Variants in EXOC6B observed in about 807,000 individuals in gnomAD.
EXOC6B encodes exocyst complex component 6B.
In EXOC6B, 54 loss-of-function variants were observed where a neutral mutation model predicts 113.5. The ratio of observed to expected loss-of-function variants is 0.48; its 90% CI spans 0.38 to 0.60. The LOEUF (loss-of-function observed/expected upper bound fraction) is 0.60. Among genes scored for constraint, EXOC6B ranks in the 20% least tolerant of loss-of-function variants. The pLI is 0.00. For synonymous variants in EXOC6B, 357 were observed against 339.0 expected, an observed-to-expected ratio of 1.05 and a Z score of -0.58; for missense variants, 797 against 977.5, an observed-to-expected ratio of 0.82 and a Z score of 2.46.
chr2:72,361,231 T>G (rs1690296466), intron 19 of EXOC6B, among the ~76,000 whole-genome samples: 1 of 152,224 alleles, frequency 6.6e-6, no homozygotes, highest in Non-Finnish European at 1.5e-5. Flanking sequence ...CAAGGATGAC[T>G]AAACATAATT....
intron 6 of EXOC6B, among the ~76,000 whole-genome samples, chr2:72,600,000 T>A (rs146444427): frequency 1.4e-4 from 22 of 152,080 alleles, no homozygotes; most frequent in African/African-American, 5.1e-4. Flanking sequence ...ACAATTCCAA[T>A]AGAAAATTCT....
intron 6 of EXOC6B, among the ~76,000 whole-genome samples, chr2:72,637,313 CA>C (rs1325994855): frequency 1.3e-5 from 2 of 151,888 alleles, no homozygotes; most frequent in East Asian, 3.9e-4. Context: ...AGCTTCTGTA[CA>C]AAAAGAAACT....
intron 18 of EXOC6B, among the ~76,000 whole-genome samples, chr2:72,405,678 G>C (rs1220757671): frequency 2.0e-5 from 3 of 152,168 alleles, no homozygotes; most frequent in Admixed American, 2.0e-4. Context: ...CACCAGGCCT[G>C]CCCTACAAGA....
At chr2:72,221,436 T>A (rs1680858793) in intron 20 of EXOC6B, among the ~76,000 whole-genome samples, 1 of 152,176 alleles carries the variant, frequency 6.6e-6, no homozygotes, top group Non-Finnish European at 1.5e-5. Context: ...CTCACCTCAA[T>A]CAGGCCTACT....
At chr2:72,182,332 A>G (rs1678141612) in intron 21 of EXOC6B, among the ~76,000 whole-genome samples, 2 of 152,174 alleles carry the variant, frequency 1.3e-5, no homozygotes, top group Non-Finnish European at 1.5e-5. Flanking sequence ...AGGACTGCTG[A>G]GAGATGTAAA....
At chr2:72,234,497 C>T (rs915307602) in intron 20 of EXOC6B, among the ~76,000 whole-genome samples, 3 of 152,052 alleles carry the variant, frequency 2.0e-5, no homozygotes, top group Non-Finnish European at 4.4e-5. Context: ...TGGACATAGG[C>T]CCCCGGCAAA....
At chr2:72,624,160 A>G (rs932131439) in intron 6 of EXOC6B, among the ~76,000 whole-genome samples, 1 of 151,708 alleles carries the variant, frequency 6.6e-6, no homozygotes, top group African/African-American at 2.4e-5. Context: ...CTTTTTTGAG[A>G]CAGGGTCTTG....
At chr2:72,385,401 CT>C (rs1344055603) in intron 18 of EXOC6B, among the ~76,000 whole-genome samples, 1 of 149,300 alleles carries the variant, frequency 6.7e-6, no homozygotes, top group South Asian at 2.1e-4. Context: ...AACTATGAAA[CT>C]ACTAGAAAAA....
chr2:72,603,995 A>G (rs1363626831), intron 6 of EXOC6B, among the ~76,000 whole-genome samples: 2 of 152,078 alleles, frequency 1.3e-5, no homozygotes, highest in African/African-American at 4.8e-5. Context: ...CTGATATGCT[A>G]GAATGTTTTT....
At chr2:72,749,965 T>C (rs1444025821) in intron 1 of EXOC6B, among the ~76,000 whole-genome samples, 1 of 151,764 alleles carries the variant, frequency 6.6e-6, no homozygotes, top group African/African-American at 2.4e-5. Flanking sequence ...ATGTTATGTA[T>C]ACTATATATA....
intron 18 of EXOC6B, among the ~76,000 whole-genome samples, chr2:72,399,140 C>A (rs767950412): frequency 2.6e-4 from 39 of 151,958 alleles, no homozygotes; most frequent in Non-Finnish European, 5.2e-4. Context: ...TCCAAAGATG[C>A]AAAGACAATT....
intron 6 of EXOC6B, among the ~76,000 whole-genome samples, chr2:72,699,914 A>G (rs1279960898): frequency 2.0e-5 from 3 of 152,132 alleles, no homozygotes; most frequent in Non-Finnish European, 4.4e-5. Flanking sequence ...AGTATCCACA[A>G]GAGATTAGTT....
At chr2:72,379,007 C>A (rs1035042514) in intron 19 of EXOC6B, among the ~76,000 whole-genome samples, 1 of 152,172 alleles carries the variant, frequency 6.6e-6, no homozygotes, top group Non-Finnish European at 1.5e-5. Context: ...ATGAGACATA[C>A]AGGAAAGTTT....
intron 18 of EXOC6B, among the ~76,000 whole-genome samples, chr2:72,453,963 G>C (rs1697059122): frequency 6.6e-6 from 1 of 152,164 alleles, no homozygotes; most frequent in African/African-American, 2.4e-5. Context: ...TAGGACAGCA[G>C]GAGAGAGAAT....
intron 1 of EXOC6B, among the ~76,000 whole-genome samples, chr2:72,799,170 G>T (rs1016832446): frequency 7.0e-6 from 1 of 142,040 alleles, no homozygotes; most frequent in Non-Finnish European, 1.5e-5. Flanking sequence ...TGCCCAGGAG[G>T]TCAAGGCTGC....
At chr2:72,604,076 G>T (rs572237590) in intron 6 of EXOC6B, among the ~76,000 whole-genome samples, 14 of 152,044 alleles carry the variant, frequency 9.2e-5, no homozygotes, top group Admixed American at 2.6e-4. Flanking sequence ...AATCATCTTA[G>T]ATTTATTAGT....
intron 17 of EXOC6B, among the ~76,000 whole-genome samples, chr2:72,475,393 G>A (rs570931950): frequency 3.9e-5 from 6 of 152,290 alleles, no homozygotes; most frequent in South Asian, 2.1e-4. Context: ...GCATTCAGCC[G>A]AGTGGGCTGG....
chr2:72,511,483 T>C (rs578027018), intron 11 of EXOC6B, among the ~76,000 whole-genome samples: 3 of 152,248 alleles, frequency 2.0e-5, no homozygotes, highest in South Asian at 4.1e-4. Context: ...ATACTTACTA[T>C]CACTCCTTGA....
intron 20 of EXOC6B, among the ~76,000 whole-genome samples, chr2:72,286,596 A>C (rs1343802724): frequency 1.3e-5 from 2 of 152,146 alleles, no homozygotes; most frequent in African/African-American, 4.8e-5. Context: ...ATTTGTTCAA[A>C]TCCATAGAAT....
Sources: allele counts gnomAD v4.1 joint callset (sites outside exome capture counted in the v4.1 genomes callset), GRCh38; gene constraint gnomAD v4.1.1; transcripts MANE v1.5; gene names NCBI Gene and HGNC (gene_info 2026-07-23, HGNC 2026-07-21).